The following PRKAA2 variants were observed in gnomAD, a reference collection of about 807,000 sequenced individuals.
The protein encoded by PRKAA2 is 5'-AMP-activated protein kinase catalytic subunit alpha-2.
In PRKAA2, 40 loss-of-function variants were observed where a neutral mutation model predicts 56.3. The observed-to-expected ratio is 0.71, with a 90% CI of 0.55 to 0.92. PRKAA2 has a LOEUF of 0.92. Ranked by LOEUF, PRKAA2 falls within the 40% of genes least tolerant of loss-of-function variation. PRKAA2 has a pLI of 0.00. For synonymous variants in PRKAA2, 214 were observed against 234.2 expected (o/e 0.91, Z 0.79); for missense variants, 542 against 686.9 (o/e 0.79, Z 2.36).
Position 56,707,817 on chromosome 1 carries a change from A to G in PRKAA2, c.*104A>G. ...TATCCACTGCAATACTAATTGAGAA[A>G]CATGAATTATTTCCAGGGGCACACA... On this transcript the variant is annotated 3_prime_UTR_variant, in exon 9 of 9. Coordinates refer to ENST00000371244, the MANE Select transcript of PRKAA2 (RefSeq NM_006252.4). 3.8e-6 allele frequency: 4 copies of G among 1,064,822 alleles called. No homozygotes were observed. Among genetic ancestry groups the G allele is most frequent in the Admixed American group, 2.3e-5 (1 of 43,464 alleles). The allele number at this position is 1,064,822 out of a possible 1,614,324, so 66.0% of individuals were successfully genotyped here.
chr1:56,688,948 T>C lies in PRKAA2; in HGVS notation c.237-2446T>C, dbSNP rs191481046. Among the ~76,000 whole-genome samples the C allele has an allele frequency of 4.1e-4, 62 of 152,312 alleles. 1 individual carries two copies. In the South Asian group the frequency reaches 4.6e-3, roughly 11 times the overall value. On this transcript the variant is annotated intron_variant, in intron 2 of 8. Coordinates refer to ENST00000371244, the MANE Select transcript of PRKAA2 (RefSeq NM_006252.4). ...TTAGTGCCTGGCAGACAGTAAGTGC[T>C]TAGTAACGTTATGATTTTCATTGCT... is the stretch of plus-strand genomic sequence containing the variant.
At chr1:56,650,094 TA>T (rs964102140) in intron 1 of PRKAA2, among the ~76,000 whole-genome samples, 109 of 145,646 alleles carry the variant, frequency 7.5e-4, no homozygotes, top group African/African-American at 1.7e-3. Flanking sequence ...GACTCCGTCT[TA>T]AAAAAAAAAA....
rs186287828 is a variant in PRKAA2 at position 56,678,783 on chromosome 1, C to T, written c.236+4261C>T. Among the ~76,000 whole-genome samples the T allele has an allele frequency of 7.3e-4, 111 of 151,868 alleles. 1 individual carries two copies. In the East Asian group the frequency reaches 0.019, roughly 25 times the overall value. ...TGATCTCAGCTCACTGCAACCTCCG[C>T]CTCCTGTGTTCAAGCGATTCTCCTG... On this transcript the variant is annotated intron_variant, in intron 2 of 8. Coordinates refer to ENST00000371244, the MANE Select transcript of PRKAA2 (RefSeq NM_006252.4).
At position 56,707,866 on chromosome 1, in the gene PRKAA2, A is replaced by G. The variant is rs563053504; in HGVS notation, c.*153A>G. 69 of 708,726 alleles carry G rather than the reference A, an allele frequency of 9.7e-5. No homozygotes were observed. The East Asian group carries it at 1.8e-3, about 18-fold the overall frequency. The allele number at this position is 708,726 out of a possible 1,614,324, so 43.9% of individuals were successfully genotyped here. On this transcript the variant is annotated 3_prime_UTR_variant, in exon 9 of 9. Transcript: ENST00000371244. ...CAATGCTATTGAAATTACTGAAAAC[A>G]AAATATCTGACATCTTATTTACTTG...
intron 1 of PRKAA2, among the ~76,000 whole-genome samples, chr1:56,651,597 G>A (rs1387552782): frequency 1.3e-5 from 2 of 152,102 alleles, no homozygotes; most frequent in African/African-American, 4.8e-5. Context: ...AATTTTCTAT[G>A]TCTGCTCATA....
chr1:56,658,573 GTTT>G lies in PRKAA2; in HGVS notation c.94+13101_94+13103del, dbSNP rs71795545. Reference sequence around the variant, plus strand: ...AGAATTTATAATGGTAAATGTTGTTGTTTTTTTTTTTCTTCCCCCCCCCCGCCA... The same window carrying G: ...AGAATTTATAATGGTAAATGTTGTTGTTTTTTTTCTTCCCCCCCCCCGCCA... On this transcript the variant is annotated intron_variant, in intron 1 of 8. Transcript: ENST00000371244. 6.3e-5 allele frequency among the ~76,000 whole-genome samples: 7 copies of G among 110,556 alleles called. 1 individual carries two copies. Among genetic ancestry groups the G allele is most frequent in the South Asian group, 3.6e-4 (1 of 2,776 alleles). 72.5% of individuals were successfully genotyped at this position (110,556 alleles called of 152,430 possible).
At position 56,683,229 on chromosome 1, in the gene PRKAA2, G is replaced by A. The variant is rs1644168261; in HGVS notation, c.237-8165G>A. Among the ~76,000 whole-genome samples the A allele has an allele frequency of 5.3e-5, 8 of 152,028 alleles. No homozygotes were observed. In the South Asian group the frequency reaches 1.5e-3, roughly 28 times the overall value. ...TGTGAACATTAAGGATATTGTTTTG[G>A]CCATGATAAGCTAAGAATCCATTAG... On this transcript the variant is annotated intron_variant, in intron 2 of 8. Transcript: ENST00000371244.
intron 1 of PRKAA2, among the ~76,000 whole-genome samples, chr1:56,664,587 A>G (rs1050073289): frequency 3.3e-5 from 5 of 152,036 alleles, no homozygotes; most frequent in Non-Finnish European, 5.9e-5. Flanking sequence ...TATTTTTAAC[A>G]GTAGCAATAG....
intron 1 of PRKAA2, among the ~76,000 whole-genome samples, chr1:56,670,127 ATAAATT>A (rs1433962168): frequency 1.3e-5 from 2 of 152,238 alleles, no homozygotes; most frequent in African/African-American, 4.8e-5. Context: ...TGTGTGGACT[ATAAATT>A]AAAATTTGTT....
At chr1:56,659,758 A>G (rs1219801257) in intron 1 of PRKAA2, among the ~76,000 whole-genome samples, 1 of 152,062 alleles carries the variant, frequency 6.6e-6, no homozygotes, top group Non-Finnish European at 1.5e-5. Context: ...AAACATAAAA[A>G]TTAGCCAGCC....
At chr1:56,685,906 G>T (rs1033179090) in intron 2 of PRKAA2, among the ~76,000 whole-genome samples, 1 of 152,144 alleles carries the variant, frequency 6.6e-6, no homozygotes, top group Non-Finnish European at 1.5e-5. Context: ...TTGGATATTT[G>T]ATGACATTCA....
chr1:56,700,925 G>T (rs867625803), intron 6 of PRKAA2, among the ~76,000 whole-genome samples: 5 of 152,062 alleles, frequency 3.3e-5, no homozygotes, highest in Non-Finnish European at 7.4e-5. Context: ...AAAGGGAAGC[G>T]GACTTAGGGC....
chr1:56,681,603 T>A (rs1186292701), intron 2 of PRKAA2, among the ~76,000 whole-genome samples: 1 of 152,232 alleles, frequency 6.6e-6, no homozygotes, highest in Non-Finnish European at 1.5e-5. Flanking sequence ...GCACCATTTT[T>A]AAATAGGGAA....
chr1:56,652,542 G>T (rs1477116341), intron 1 of PRKAA2, among the ~76,000 whole-genome samples: 1 of 152,172 alleles, frequency 6.6e-6, no homozygotes, highest in African/African-American at 2.4e-5. Context: ...GTATAAGAAG[G>T]TATTAGCTCT....
At chr1:56,648,038 AAAAAG>A (rs1418542289) in intron 1 of PRKAA2, among the ~76,000 whole-genome samples, 12 of 151,906 alleles carry the variant, frequency 7.9e-5, no homozygotes, top group African/African-American at 1.4e-4. Context: ...TCAAAAAAAA[AAAAAG>A]AAAAGAAAAG....
Position 56,710,285 on chromosome 1 carries a change from C to A in PRKAA2, c.*2572C>A, listed in dbSNP as rs1295675633. On this transcript the variant is annotated 3_prime_UTR_variant, in exon 9 of 9. Coordinates refer to ENST00000371244, the MANE Select transcript of PRKAA2 (RefSeq NM_006252.4). Reference sequence around the variant, plus strand: ...AGAACTGCATTTCCCAAAGTATATCCTGTGAGATGCTCCACAGAAAAAATG... The same window carrying A: ...AGAACTGCATTTCCCAAAGTATATCATGTGAGATGCTCCACAGAAAAAATG... 2 of 152,000 alleles carry A rather than the reference C, an allele frequency of 1.3e-5. No homozygotes were observed. The highest frequency in any genetic ancestry group is 2.9e-5 in the Non-Finnish European group (2 of 67,966). The allele number at this position is 152,000 out of a possible 1,614,324, so 9.4% of individuals were successfully genotyped here. A position where few individuals can be genotyped will look rare whatever the true frequency, so the allele number is the denominator to read the frequency against.
intron 6 of PRKAA2, among the ~76,000 whole-genome samples, chr1:56,699,228 A>G (rs911881132): frequency 6.6e-6 from 1 of 152,170 alleles, no homozygotes; most frequent in African/African-American, 2.4e-5. Context: ...ATATTTGAAA[A>G]CCTTTTAGCT....
intron 1 of PRKAA2, among the ~76,000 whole-genome samples, chr1:56,665,820 T>C (rs1644032087): frequency 6.6e-6 from 1 of 152,216 alleles, no homozygotes; most frequent in African/African-American, 2.4e-5. Flanking sequence ...TTCATGTTTA[T>C]TGACTATCTA....
chr1:56,654,000 C>T (rs1643923131), intron 1 of PRKAA2, among the ~76,000 whole-genome samples: 1 of 152,028 alleles, frequency 6.6e-6, no homozygotes, highest in African/African-American at 2.4e-5. Context: ...CAGCAGATGG[C>T]ATTTAGTATG....
Sources: gnomAD v4.1 joint callset for allele counts (sites outside exome capture counted in the v4.1 genomes callset) on GRCh38, gnomAD v4.1.1 for gene constraint, MANE v1.5 for transcripts, NCBI Gene and HGNC (gene_info 2026-07-23, HGNC 2026-07-21) for gene names.